The following COL11A1 variants were observed in gnomAD, a reference collection of about 807,000 sequenced individuals.
The protein encoded by COL11A1 is collagen type XI alpha 1 chain, also known as collagen alpha-1(XI) chain.
A neutral mutation model predicts 265.2 loss-of-function variants in COL11A1; 74 were observed. That is an observed-to-expected ratio of 0.28 (90% CI 0.23 to 0.34). The LOEUF (loss-of-function observed/expected upper bound fraction) is 0.34, where lower values mean the gene tolerates loss of function less well. COL11A1 is among the 10% of genes least tolerant of loss of function. The probability of loss-of-function intolerance (pLI) is 1.00; values close to 1 mark genes in which losing one functional copy is unlikely to be tolerated. For synonymous variants in COL11A1, 816 were observed against 727.6 expected, an observed-to-expected ratio of 1.12 and a Z score of -1.96; for missense variants, 2,165 against 2,263.6, an observed-to-expected ratio of 0.96 and a Z score of 0.88.
chr1:102,915,189 G>A (rs965575973), intron 50 of COL11A1, among the ~76,000 whole-genome samples: 1 of 152,104 alleles, frequency 6.6e-6, no homozygotes, highest in African/African-American at 2.4e-5. Context: ...TTTACTAACT[G>A]GATACCAACC....
intron 41 of COL11A1, among the ~76,000 whole-genome samples, chr1:102,954,933 G>A (rs149685620): frequency 6.6e-6 from 1 of 151,642 alleles, no homozygotes; most frequent in African/African-American, 2.4e-5. Flanking sequence ...TTTAGATTAC[G>A]TGAACTAAAA....
intron 28 of COL11A1, among the ~76,000 whole-genome samples, chr1:102,991,549 G>A (rs1300787685): frequency 6.6e-6 from 1 of 151,964 alleles, no homozygotes; most frequent in African/African-American, 2.4e-5. Flanking sequence ...GCAACAATAT[G>A]CCGTCCTGCA....
At chr1:102,888,992 T>C (rs1366913569) in intron 59 of COL11A1, 73 bp from the exon 60 acceptor site, 19 of 1,388,662 alleles carry the variant, frequency 1.4e-5, no homozygotes, top group Non-Finnish European at 1.9e-5. Flanking sequence ...AACTTTTCAA[T>C]ATTTTCATAA....
At chr1:102,914,932 A>C (rs1655143746) in intron 50 of COL11A1, 121 bp from the exon 51 acceptor site, 3 of 790,358 alleles carry the variant, frequency 3.8e-6, no homozygotes, top group South Asian at 1.7e-5. Flanking sequence ...TTTAGACGGA[A>C]TATCACTTTG....
Position 102,877,799 on chromosome 1 carries a change from C to A in COL11A1, c.*220G>T. ...GAGAATTGGGAATCAAGAATCAGCC[C>A]TGTTTCCATCTTAGCCACACCAACT... On this transcript the variant is annotated 3_prime_UTR_variant, in exon 67 of 67. Coordinates refer to ENST00000370096, the MANE Select transcript of COL11A1 (RefSeq NM_001854.4). 4.2e-6 allele frequency: 2 copies of A among 477,346 alleles called. No homozygotes were observed. The highest frequency in any genetic ancestry group is 7.5e-6 in the Non-Finnish European group (2 of 265,180). 29.6% of individuals were successfully genotyped at this position (477,346 alleles called of 1,614,324 possible).
At chr1:102,985,837 TTAAAC>T (rs1359463379) in intron 30 of COL11A1, among the ~76,000 whole-genome samples, 1 of 152,140 alleles carries the variant, frequency 6.6e-6, no homozygotes, top group African/African-American at 2.4e-5. Flanking sequence ...GGGAAAGGGT[TTAAAC>T]GCCCCATAAG....
At chr1:102,883,002 A>G (rs1021570840) in intron 64 of COL11A1, among the ~76,000 whole-genome samples, 197 bp downstream of exon 64, 2 of 152,204 alleles carry the variant, frequency 1.3e-5, no homozygotes, top group Non-Finnish European at 2.9e-5. Flanking sequence ...TGGGTAAAAA[A>G]TAAAGAAGAG....
intron 1 of COL11A1, among the ~76,000 whole-genome samples, chr1:103,093,523 C>T (rs1166913585): frequency 6.6e-6 from 1 of 152,106 alleles, no homozygotes; most frequent in Non-Finnish European, 1.5e-5. Context: ...GCAAATTCTA[C>T]AGTTGTGCAA....
Position 102,934,500 on chromosome 1 carries a change from A to C in COL11A1, c.3549T>G (p.Gly1183=), listed in dbSNP as rs756169163. The change falls in exon 46 of 67, where the codon GGT becomes GGG. Residue 1183 remains glycine, a synonymous_variant. Coordinates refer to ENST00000370096, the MANE Select transcript of COL11A1 (RefSeq NM_001854.4). ...CAGGGAAGCCTCTGGCACCCTCATC[A>C]CCTTTTTGCCCAAACATCCCCTGCT... ...RGQQGMFGQK[G]DEGARGFPGP... 1 of 1,614,126 alleles carries C rather than the reference A, an allele frequency of 6.2e-7. No individual in the cohort carries two copies. The highest frequency in any genetic ancestry group is 8.5e-7 in the Non-Finnish European group (1 of 1,180,020).
In COL11A1 at chr1:102,877,762, A is replaced by G. The variant is rs1557763591; in HGVS notation, c.*257T>C. On this transcript the variant is annotated 3_prime_UTR_variant, in exon 67 of 67. Coordinates refer to ENST00000370096, the MANE Select transcript of COL11A1 (RefSeq NM_001854.4). ...ACAGCACCAAAGAAATTCAAATAGG[A>G]AAAGGAGAGTTGAGAATTGGGAATC... 3 of 402,098 alleles carry G rather than the reference A, an allele frequency of 7.5e-6. No homozygotes were observed. Among genetic ancestry groups the G allele is most frequent in the Non-Finnish European group, 1.4e-5 (3 of 220,278 alleles). The allele number at this position is 402,098 out of a possible 1,614,324, so 24.9% of individuals were successfully genotyped here.
chr1:103,035,188 A>G (rs1190378524), intron 4 of COL11A1, among the ~76,000 whole-genome samples: 1 of 152,108 alleles, frequency 6.6e-6, no homozygotes, highest in African/African-American at 2.4e-5. Flanking sequence ...TTTCCTGGAC[A>G]GTCACACAGG....
At chr1:103,071,810 C>A (rs1671612511) in intron 4 of COL11A1, among the ~76,000 whole-genome samples, 1 of 111,288 alleles carries the variant, frequency 9.0e-6, no homozygotes, top group South Asian at 3.6e-4. Context: ...GTTTGTAAAA[C>A]TACACATTAA....
intron 4 of COL11A1, among the ~76,000 whole-genome samples, chr1:103,031,859 A>T (rs1255766918): frequency 6.6e-6 from 1 of 152,018 alleles, no homozygotes; most frequent in Non-Finnish European, 1.5e-5. Context: ...TAAGAAAAAA[A>T]AAAGTGTTCC....
In COL11A1 at chr1:102,998,298, G is replaced by T. The variant is rs1664814550; in HGVS notation, c.2196+12C>A. The T allele has an allele frequency of 3.7e-6, 6 of 1,603,354 alleles. No homozygotes were observed. Among genetic ancestry groups the T allele is most frequent in the Non-Finnish European group, 5.1e-6 (6 of 1,172,680 alleles). Reference sequence around the variant, plus strand: ...GTAAAGAAATTTTAATGACCAGGTAGCTGTTACTTACAGGAGGCCCATCAG... The same window carrying T: ...GTAAAGAAATTTTAATGACCAGGTATCTGTTACTTACAGGAGGCCCATCAG... On this transcript the variant is annotated intron_variant, in intron 25 of 66. Coordinates refer to ENST00000370096, the MANE Select transcript of COL11A1 (RefSeq NM_001854.4).
At chr1:103,011,347 T>C (rs992707177) in intron 14 of COL11A1, among the ~76,000 whole-genome samples, 1 of 152,126 alleles carries the variant, frequency 6.6e-6, no homozygotes, top group Admixed American at 6.5e-5. Flanking sequence ...AAATACATGA[T>C]AAACATTTAA....
chr1:103,050,478 TGG>T lies in COL11A1; in HGVS notation c.652-19236_652-19235del, dbSNP rs1372348470. ...AGGTCCTTTAAGGACTTCTCTGCAT[TGG>T]TTATTCTAGTTATCCATTCGTCTAA... On this transcript the variant is annotated intron_variant, in intron 4 of 66. Transcript: ENST00000370096. 3.3e-5 allele frequency among the ~76,000 whole-genome samples: 5 copies of T among 152,160 alleles called. No homozygotes were observed. In the East Asian group the frequency reaches 9.6e-4, roughly 29 times the overall value.
rs375328904 is a variant in COL11A1, at chr1:102,898,778, T to A, written c.4141-5A>T. ...ACCTTCTGCACCTGCTTCCCCCTGTTAGAAAGTAAAATATGGGAGCACATT... is the reference window on the plus strand; with the variant it reads ...ACCTTCTGCACCTGCTTCCCCCTGTAAGAAAGTAAAATATGGGAGCACATT... On this transcript the variant is annotated splice_region_variant and splice_polypyrimidine_tract_variant and intron_variant, in intron 55 of 66. Transcript: ENST00000370096. 2 of 1,611,712 alleles carry A rather than the reference T, an allele frequency of 1.2e-6. No homozygotes were observed. The highest frequency in any genetic ancestry group is 8.5e-7 in the Non-Finnish European group (1 of 1,178,554).
chr1:102,901,243 C>A (rs1653157338), intron 54 of COL11A1, among the ~76,000 whole-genome samples: 1 of 151,626 alleles, frequency 6.6e-6, no homozygotes, highest in Non-Finnish European at 1.5e-5. Flanking sequence ...TCGCTTGAAC[C>A]CGGGAGGCAG....
chr1:102,989,626 C>G, intron 28 of COL11A1, 55 bp from the exon 29 acceptor site: 1 of 1,219,026 alleles, frequency 8.2e-7, no homozygotes, highest in Non-Finnish European at 1.2e-6. Flanking sequence ...TTGGAGTAAC[C>G]TAAAATATTG....
Sources: gnomAD v4.1 joint callset for allele counts (sites outside exome capture counted in the v4.1 genomes callset) on GRCh38, gnomAD v4.1.1 for gene constraint, MANE v1.5 for transcripts, NCBI Gene and HGNC (gene_info 2026-07-23, HGNC 2026-07-21) for gene names.